The following PREX1 variants were observed in gnomAD, a reference collection of about 807,000 sequenced individuals.
PREX1 encodes phosphatidylinositol 3,4,5-trisphosphate-dependent Rac exchanger 1 protein.
A neutral mutation model predicts 198.3 loss-of-function variants in PREX1; 41 were observed. That is an observed-to-expected ratio of 0.21 (90% CI 0.16 to 0.27). PREX1 has a LOEUF of 0.27. Among genes scored for constraint, PREX1 ranks in the 10% least tolerant of loss-of-function variants. The probability of loss-of-function intolerance (pLI) is 1.00; values close to 1 mark genes in which losing one functional copy is unlikely to be tolerated. For synonymous variants in PREX1, 843 were observed against 887.2 expected (o/e 0.95, Z 0.89); for missense variants, 1,620 against 2,200.7 (o/e 0.74, Z 5.28).
the PREX1 span, among the ~76,000 whole-genome samples, chr20:48,850,194 T>C: frequency 3.3e-5 from 5 of 152,202 alleles, no homozygotes; most frequent in Admixed American, 6.5e-5. Flanking sequence ...TCATTTTCTC[T>C]ACCTTTCTGG....
intron 1 of PREX1, among the ~76,000 whole-genome samples, chr20:48,762,523 T>A (rs991876905): frequency 6.6e-6 from 1 of 152,154 alleles, no homozygotes; most frequent in African/African-American, 2.4e-5. Flanking sequence ...TTAAGAACCA[T>A]TGCATTATAG....
chr20:48,667,818 G>A, intron 14 of PREX1, among the ~76,000 whole-genome samples: 1 of 152,150 alleles, frequency 6.6e-6, no homozygotes, highest in East Asian at 1.9e-4. Flanking sequence ...GTTGATCAAG[G>A]TTTGCAGCCC....
upstream of PREX1, among the ~76,000 whole-genome samples, chr20:48,832,272 G>T (rs570681287): frequency 1.3e-5 from 2 of 152,188 alleles, no homozygotes; most frequent in South Asian, 4.1e-4. Flanking sequence ...TCACAGTTGA[G>T]GGGGAGAAGA....
At chr20:48,798,006 C>T (rs1252578393) in intron 1 of PREX1, among the ~76,000 whole-genome samples, 12 of 152,302 alleles carry the variant, frequency 7.9e-5, no homozygotes, top group Admixed American at 4.6e-4. Context: ...ATTCCAGGGA[C>T]GACGCTGAGC....
At chr20:48,712,253 C>T (rs547754169) in intron 5 of PREX1, among the ~76,000 whole-genome samples, 6 of 152,268 alleles carry the variant, frequency 3.9e-5, no homozygotes, top group African/African-American at 7.2e-5. Flanking sequence ...AAAGTTGAGG[C>T]TCACACAGAG....
At chr20:48,637,778 G>A (rs538065895) in intron 30 of PREX1, 26 bp from the exon 31 acceptor site, 11 of 1,606,716 alleles carry the variant, frequency 6.8e-6, no homozygotes, top group Middle Eastern at 1.8e-4. Flanking sequence ...AGACAGAAAG[G>A]GGGACGGGCT....
chr20:48,846,935 T>G, the PREX1 span, among the ~76,000 whole-genome samples: 6 of 152,134 alleles, frequency 3.9e-5, no homozygotes, highest in Admixed American at 2.6e-4. Flanking sequence ...GCTTGACCTT[T>G]CAAGGGGAGG....
intron 6 of PREX1, 113 bp downstream of exon 6, chr20:48,708,147 G>T: frequency 1.7e-6 from 2 of 1,187,030 alleles, no homozygotes; most frequent in Non-Finnish European, 2.4e-6. Flanking sequence ...AACACTGTAG[G>T]CCAAACAAAA....
chr20:48,831,412 A>G (rs766857575), upstream of PREX1, among the ~76,000 whole-genome samples: 4 of 152,308 alleles, frequency 2.6e-5, no homozygotes, highest in East Asian at 1.9e-4. Context: ...GTGGGCATCT[A>G]TAAGTGTCGG....
chr20:48,862,004 G>T, the PREX1 span, among the ~76,000 whole-genome samples: 1 of 152,158 alleles, frequency 6.6e-6, no homozygotes, highest in Non-Finnish European at 1.5e-5. Context: ...GAGGTCAGGA[G>T]TTTGAGACCA....
Position 48,746,109 on chromosome 20 carries a change from C to T in PREX1, c.292-962G>A, listed in dbSNP as rs968267676. Among the ~76,000 whole-genome samples the T allele has an allele frequency of 5.9e-5, 9 of 152,324 alleles. No individual in the cohort carries two copies. The South Asian group carries it at 1.9e-3, about 32-fold the overall frequency. ...AAACTTGGCTCAGTGCAACCTCCGT[C>T]TCCAGGGTTCAAGCAATTCTCCTGC... On this transcript the variant is annotated intron_variant, in intron 2 of 39. Coordinates refer to ENST00000371941, the MANE Select transcript of PREX1 (RefSeq NM_020820.4).
At chr20:48,633,175 T>C (rs2089329552) in intron 33 of PREX1, among the ~76,000 whole-genome samples, 1 of 152,160 alleles carries the variant, frequency 6.6e-6, no homozygotes, top group Non-Finnish European at 1.5e-5. Context: ...CCCGAGCCAA[T>C]CTCAGCCTGG....
chr20:48,655,393 G>C lies in PREX1; in HGVS notation c.2124-18C>G. On this transcript the variant is annotated intron_variant, in intron 18 of 39. Coordinates refer to ENST00000371941, the MANE Select transcript of PREX1 (RefSeq NM_020820.4). ...TGATGATCCTGCACCAGGTAGAAGA[G>C]GCAGGGAAAAAGGCCATGAGGAAAA... 2 of 1,500,852 alleles carry C rather than the reference G, an allele frequency of 1.3e-6. No individual in the cohort carries two copies. The highest frequency in any genetic ancestry group is 1.8e-6 in the Non-Finnish European group (2 of 1,110,652). The allele number at this position is 1,500,852 out of a possible 1,614,324, so 93.0% of individuals were successfully genotyped here. A position where few individuals can be genotyped will look rare whatever the true frequency, so the allele number is the denominator to read the frequency against.
intron 1 of PREX1, among the ~76,000 whole-genome samples, chr20:48,797,573 T>C (rs1466910867): frequency 6.6e-6 from 1 of 151,970 alleles, no homozygotes; most frequent in African/African-American, 2.4e-5. Context: ...GCTGTCTCTG[T>C]TCACTGCCCC....
intron 1 of PREX1, among the ~76,000 whole-genome samples, chr20:48,805,164 C>A (rs1381176237): frequency 1.3e-5 from 2 of 152,202 alleles, no homozygotes; most frequent in Admixed American, 6.5e-5. Context: ...GGAGAAGAAA[C>A]GGTGATAGCA....
chr20:48,676,392 C>CTG, intron 13 of PREX1, 124 bp from the exon 14 acceptor site: 1 of 868,924 alleles, frequency 1.2e-6, no homozygotes, highest in Non-Finnish European at 1.9e-6. Context: ...AGGCATTGGG[C>CTG]AGGGGTCCGA....
chr20:48,671,548 CATTTT>C (rs2089675394), intron 14 of PREX1, among the ~76,000 whole-genome samples: 1 of 152,206 alleles, frequency 6.6e-6, no homozygotes, highest in African/African-American at 2.4e-5. Flanking sequence ...ATTTAATCAA[CATTTT>C]ATTTTAAGGG....
chr20:48,786,493 C>T (rs1357934622), intron 1 of PREX1, among the ~76,000 whole-genome samples: 1 of 152,056 alleles, frequency 6.6e-6, no homozygotes, highest in Non-Finnish European at 1.5e-5. Flanking sequence ...CCTATAATCC[C>T]AGCACTTTGG....
At chr20:48,774,008 G>C (rs1490154245) in intron 1 of PREX1, among the ~76,000 whole-genome samples, 1 of 152,156 alleles carries the variant, frequency 6.6e-6, no homozygotes, top group Non-Finnish European at 1.5e-5. Flanking sequence ...CTGAGAGATG[G>C]GATGTGAGGG....
Sources: gnomAD v4.1 joint callset for allele counts (sites outside exome capture counted in the v4.1 genomes callset) on GRCh38, gnomAD v4.1.1 for gene constraint, MANE v1.5 for transcripts, NCBI Gene and HGNC (gene_info 2026-07-23, HGNC 2026-07-21) for gene names.